ADGRB3: variants seen among roughly 807,000 people sequenced by gnomAD.
ADGRB3 encodes the protein brain-specific angiogenesis inhibitor 3.
A neutral mutation model predicts 193.4 loss-of-function variants in ADGRB3; 37 were observed. The observed-to-expected ratio is 0.19, with a 90% confidence interval of 0.15 to 0.25. ADGRB3 has a LOEUF of 0.25. Ranked by LOEUF, ADGRB3 falls within the 10% of genes least tolerant of loss-of-function variation. ADGRB3 has a pLI of 1.00. For synonymous variants in ADGRB3, 690 were observed against 644.2 expected, an observed-to-expected ratio of 1.07 and a Z score of -1.08; for missense variants, 1,637 against 1,852.9, an observed-to-expected ratio of 0.88 and a Z score of 2.14.
chr6:68,905,276 A>G (rs10485436), intron 3 of ADGRB3, among the ~76,000 whole-genome samples: 15,175 of 152,240 alleles, frequency 0.1, 839 homozygotes, highest in Middle Eastern at 0.14. Context: ...CACCTAATCA[A>G]TTCTGAAGTT....
intron 30 of ADGRB3, among the ~76,000 whole-genome samples, chr6:69,373,312 C>T (rs1177133210): frequency 6.6e-6 from 1 of 151,998 alleles, no homozygotes; most frequent in African/African-American, 2.4e-5. Flanking sequence ...ACTCCTAATT[C>T]AGTCGTTTCA....
intron 3 of ADGRB3, among the ~76,000 whole-genome samples, chr6:68,642,158 T>C (rs902755526): frequency 6.6e-6 from 1 of 152,176 alleles, no homozygotes; most frequent in African/African-American, 2.4e-5. Flanking sequence ...TATTCACTAA[T>C]AAATACTGAC....
chr6:68,906,891 A>G (rs1766563367), intron 3 of ADGRB3, among the ~76,000 whole-genome samples: 1 of 151,936 alleles, frequency 6.6e-6, no homozygotes, highest in African/African-American at 2.4e-5. Flanking sequence ...TCGACAGTAA[A>G]ATCTATCACA....
At chr6:68,927,629 A>C (rs1264612498) in intron 3 of ADGRB3, among the ~76,000 whole-genome samples, 1 of 152,124 alleles carries the variant, frequency 6.6e-6, no homozygotes, top group African/African-American at 2.4e-5. Context: ...TGGGACGTAA[A>C]CTTTGGCAGA....
chr6:69,288,200 C>A (rs1767592014), intron 20 of ADGRB3, among the ~76,000 whole-genome samples: 1 of 152,114 alleles, frequency 6.6e-6, no homozygotes, highest in African/African-American at 2.4e-5. Flanking sequence ...CTCCCTTAGC[C>A]CTCCACCCGC....
At chr6:69,109,536 C>G (rs1396943308) in intron 17 of ADGRB3, among the ~76,000 whole-genome samples, 1 of 152,170 alleles carries the variant, frequency 6.6e-6, no homozygotes, top group Non-Finnish European at 1.5e-5. Context: ...TCTTATTTAA[C>G]TCAAATTATG....
chr6:68,769,545 G>C lies in ADGRB3; in HGVS notation c.757+130113G>C, dbSNP rs1254411289. ...ACACACTGGAGCCTGTTGGAGGTTG[G>C]GGGGTTAGGGGAGGGATAACATTAG... On this transcript the variant is annotated intron_variant, in intron 3 of 31. Transcript: ENST00000370598. Among the ~76,000 whole-genome samples the C allele has an allele frequency of 2.0e-5, 3 of 152,062 alleles. No homozygotes were observed. The East Asian group carries it at 5.8e-4, about 29-fold the overall frequency.
At position 69,372,407 on chromosome 6, in the gene ADGRB3, G is replaced by C. The variant is rs771770089; in HGVS notation, c.4241G>C (p.Arg1414Thr). 2.9e-6 allele frequency: 4 copies of C among 1,368,866 alleles called. No individual in the cohort carries two copies. Among genetic ancestry groups the C allele is most frequent in the Non-Finnish European group, 4.0e-6 (4 of 998,922 alleles). The allele number at this position is 1,368,866 out of a possible 1,614,324, so 84.8% of individuals were successfully genotyped here. A position where few individuals can be genotyped will look rare whatever the true frequency, so the allele number is the denominator to read the frequency against. The change falls in exon 30 of 32, where the codon AGA becomes ACA. Residue 1414 changes from arginine (R) to threonine (T), a missense_variant and splice_region_variant. This residue lies in a region of ADGRB3 where 368 missense variants were observed against 367.4 expected (regional missense o/e 1.00). Transcript: ENST00000370598. Reference protein sequence around the residue: ...GSTISMSSLERRKSRYSDLDF... With the variant: ...GSTISMSSLETRKSRYSDLDF... ...TCTTTTTAAAAATATATCTTACAGAGAAGAAAATCACGATATTCAGACCTT... is the reference window on the plus strand; with the variant it reads ...TCTTTTTAAAAATATATCTTACAGACAAGAAAATCACGATATTCAGACCTT...
At chr6:68,660,295 AC>A (rs992122606) in intron 3 of ADGRB3, among the ~76,000 whole-genome samples, 16 of 149,664 alleles carry the variant, frequency 1.1e-4, no homozygotes, top group African/African-American at 3.7e-4. Flanking sequence ...ATGTGTTTTT[AC>A]CTTTTTTAGT....
intron 11 of ADGRB3, among the ~76,000 whole-genome samples, chr6:68,999,130 G>A (rs972358298): frequency 6.6e-6 from 1 of 152,106 alleles, no homozygotes; most frequent in African/African-American, 2.4e-5. Context: ...ATAAGCCACA[G>A]TAATAATTTT....
chr6:69,249,593 G>A (rs1766576589), intron 20 of ADGRB3, among the ~76,000 whole-genome samples: 1 of 152,154 alleles, frequency 6.6e-6, no homozygotes, highest in South Asian at 2.1e-4. Flanking sequence ...AGATGGCAGA[G>A]TCAAGCTAAT....
chr6:68,832,449 C>A (rs1582238187), intron 3 of ADGRB3, among the ~76,000 whole-genome samples: 1 of 152,080 alleles, frequency 6.6e-6, no homozygotes, highest in African/African-American at 2.4e-5. Context: ...ATGCTCATTT[C>A]TGAGTTTCCC....
intron 3 of ADGRB3, among the ~76,000 whole-genome samples, chr6:68,730,330 T>G (rs904888617): frequency 2.0e-5 from 3 of 151,450 alleles, no homozygotes; most frequent in African/African-American, 7.3e-5. Flanking sequence ...GAATAACACT[T>G]TATGTATGTA....
At chr6:69,366,860 T>A (rs1023805099) in intron 29 of ADGRB3, among the ~76,000 whole-genome samples, 4 of 152,130 alleles carry the variant, frequency 2.6e-5, no homozygotes, top group African/African-American at 4.8e-5. Flanking sequence ...TTTGTGAATG[T>A]CTCCTATTGT....
At chr6:68,710,017 A>G (rs533336630) in intron 3 of ADGRB3, among the ~76,000 whole-genome samples, 9 of 152,272 alleles carry the variant, frequency 5.9e-5, no homozygotes, top group Admixed American at 4.6e-4. Context: ...ATGTTAACAC[A>G]TATTGAGCAC....
intron 3 of ADGRB3, among the ~76,000 whole-genome samples, chr6:68,905,856 T>G (rs1266920720): frequency 6.6e-6 from 1 of 152,178 alleles, no homozygotes; most frequent in South Asian, 2.1e-4. Flanking sequence ...ACCTGACCAC[T>G]GCCTCAGTTT....
At chr6:69,132,134 A>C (rs1229628640) in intron 17 of ADGRB3, among the ~76,000 whole-genome samples, 4 of 152,190 alleles carry the variant, frequency 2.6e-5, no homozygotes, top group Non-Finnish European at 5.9e-5. Context: ...TCCTTTGGGT[A>C]TATACCCAGC....
At chr6:69,346,062 A>T (rs1048670645) in intron 26 of ADGRB3, among the ~76,000 whole-genome samples, 1 of 152,220 alleles carries the variant, frequency 6.6e-6, no homozygotes, top group Non-Finnish European at 1.5e-5. Context: ...CTCTTCAAGG[A>T]GAACTACAAA....
rs183743925 is a variant in ADGRB3 at position 69,287,635 on chromosome 6, A to C, written c.2815-37237A>C. On this transcript the variant is annotated intron_variant, in intron 20 of 31. Coordinates refer to ENST00000370598, the MANE Select transcript of ADGRB3 (RefSeq NM_001704.3). Reference sequence around the variant, plus strand: ...ACTGAGAACCACGAAGGTTAAGCTCATGGAGAGAAATGAAAAATGATAGAG... The same window carrying C: ...ACTGAGAACCACGAAGGTTAAGCTCCTGGAGAGAAATGAAAAATGATAGAG... Among the ~76,000 whole-genome samples, 741 of 152,324 alleles carry C rather than the reference A, an allele frequency of 4.9e-3. 6 individuals carry two copies. The highest frequency in any genetic ancestry group is 0.027 in the Middle Eastern group (8 of 294).
Sources: allele counts gnomAD v4.1 joint callset (sites outside exome capture counted in the v4.1 genomes callset), GRCh38; gene constraint gnomAD v4.1.1; regional missense constraint gnomAD v4.1.1; transcripts MANE v1.5; gene names NCBI Gene and HGNC (gene_info 2026-07-23, HGNC 2026-07-21).